CEP290: variants seen among roughly 807,000 people sequenced by gnomAD.
The protein encoded by CEP290 is centrosomal protein 290, also known as centrosomal protein of 290 kDa.
In CEP290, 317 loss-of-function variants were observed where a neutral mutation model predicts 344.9. The ratio of observed to expected loss-of-function variants is 0.92; its 90% CI spans 0.84 to 1.01. The LOEUF (loss-of-function observed/expected upper bound fraction) is 1.01, where lower values mean the gene tolerates loss of function less well. Among genes scored for constraint, CEP290 ranks in the 50% least tolerant of loss-of-function variants. CEP290 has a pLI of 0.00. For missense variants in CEP290, 2,754 were observed against 2,761.4 expected (o/e 1.00, Z 0.06); for synonymous variants, 932 against 895.8 (o/e 1.04, Z -0.72).
At position 88,131,209 on chromosome 12, in the gene CEP290, G is replaced by C; in HGVS notation, c.451C>G (p.Arg151Gly). The C allele has an allele frequency of 6.7e-7, 1 of 1,493,102 alleles. No homozygotes were observed. The highest frequency in any genetic ancestry group is 1.4e-5 in the South Asian group (1 of 71,608). The allele number at this position is 1,493,102 out of a possible 1,614,324, so 92.5% of individuals were successfully genotyped here. A position where few individuals can be genotyped will look rare whatever the true frequency, so the allele number is the denominator to read the frequency against. The part of the protein sequence containing the change: ...EKKVNEQLAL[R>G]NEEAENENSK... The stretch of plus-strand genomic sequence containing the variant: ...TTTTCATTTTCTGCCTCCTCATTTC[G>C]AAGAGCCAACTAAAATAGTAAAAAA... The change falls in exon 7 of 54, where the codon CGA (arginine) becomes GGA (glycine). Residue 151 changes from arginine (R) to glycine (G), a missense_variant. Arg to Gly is a moderately radical substitution (Grantham distance 125, BLOSUM62 -2). Transcript: ENST00000552810.
intron 44 of CEP290, 87 bp downstream of exon 44, chr12:88,068,435 T>G: frequency 2.2e-6 from 2 of 898,828 alleles, no homozygotes; most frequent in Non-Finnish European, 3.1e-6. Context: ...ATGTAATGCT[T>G]TTGGCCAGAT....
Position 88,054,324 on chromosome 12 carries a change from T to C in CEP290, c.7034+16A>G. ...TAAAGAAAAAAACAAAGTAGTCATA[T>C]GAATACATGATGTACCTAAGAACTT... On this transcript the variant is annotated intron_variant, in intron 51 of 53. Coordinates refer to ENST00000552810, the MANE Select transcript of CEP290 (RefSeq NM_025114.4). 6.5e-7 allele frequency: 1 copy of C among 1,548,222 alleles called. No individual in the cohort carries two copies. The highest frequency in any genetic ancestry group is 8.8e-7 in the Non-Finnish European group (1 of 1,136,814).
chr12:88,075,750 T>A (rs17015437), intron 41 of CEP290, among the ~76,000 whole-genome samples: 5,736 of 152,212 alleles, frequency 0.038, 172 homozygotes, highest in African/African-American at 0.084. Flanking sequence ...GCCCAAGCAA[T>A]GAACCTGAAA....
intron 13 of CEP290, among the ~76,000 whole-genome samples, chr12:88,122,255 A>G (rs1262438168): frequency 6.6e-6 from 1 of 152,008 alleles, no homozygotes; most frequent in Non-Finnish European, 1.5e-5. Context: ...ATGGCCCTAC[A>G]CAATAAACAC....
rs1351144991 is a variant in CEP290, at chr12:88,055,571, C to T, written c.6960+5G>A. The T allele has an allele frequency of 6.4e-7, 1 of 1,563,934 alleles. No individual in the cohort carries two copies. On this transcript the variant is annotated splice_donor_5th_base_variant and intron_variant, in intron 50 of 53. Transcript: ENST00000552810. Reference sequence around the variant, plus strand: ...TATCATGTAAAGAAAAATTACGTTACTTACCTGTTGTTCAAGGTCTTCATT... The same window carrying T: ...TATCATGTAAAGAAAAATTACGTTATTTACCTGTTGTTCAAGGTCTTCATT...
At position 88,083,866 on chromosome 12, in the gene CEP290, T is replaced by G. The variant is rs772421973; in HGVS notation, c.4793A>C (p.Lys1598Thr). ...LELQADSSLN[K>T]FKQTAWDLMK... ...TCTTACCCAAGCCGTTTGTTTGAAT[T>G]TATTTAGTGAACTATCAGCCTGTAG... Residue 1598 changes from lysine (K) to threonine (T), a missense_variant, in exon 36 of 54, where the codon AAA becomes ACA. Coordinates refer to ENST00000552810, the MANE Select transcript of CEP290 (RefSeq NM_025114.4). 10 of 1,582,880 alleles carry G rather than the reference T, an allele frequency of 6.3e-6. No individual in the cohort carries two copies. The African/African-American group carries it at 1.2e-4, about 19-fold the overall frequency.
At chr12:88,140,296 T>C (rs1391230562) in intron 3 of CEP290, among the ~76,000 whole-genome samples, 2 of 152,196 alleles carry the variant, frequency 1.3e-5, no homozygotes, top group Non-Finnish European at 2.9e-5. Flanking sequence ...TCCTACATAA[T>C]ATACTCAGTT....
intron 13 of CEP290, among the ~76,000 whole-genome samples, chr12:88,123,313 C>A (rs1343930427): frequency 6.6e-6 from 1 of 152,060 alleles, no homozygotes; most frequent in Non-Finnish European, 1.5e-5. Flanking sequence ...AAGCTACCAC[C>A]TTGTTTTCTC....
At chr12:88,112,530 C>A (rs953893571) in intron 20 of CEP290, among the ~76,000 whole-genome samples, 1 of 152,036 alleles carries the variant, frequency 6.6e-6, no homozygotes, top group Non-Finnish European at 1.5e-5. Context: ...GGCCCGAAAT[C>A]TCCAACAGTG....
Position 88,052,646 on chromosome 12 carries a change from C to CAT in CEP290, c.7129+1004_7129+1005dup, listed in dbSNP as rs1329054831. 2.6e-5 allele frequency among the ~76,000 whole-genome samples: 4 copies of CAT among 152,078 alleles called. No individual in the cohort carries two copies. In the East Asian group the frequency reaches 7.7e-4, roughly 29 times the overall value. ...AGACATGCATATATATACATACACG[C>CAT]ATATATATACATACACGCATATATA... is the stretch of plus-strand genomic sequence containing the variant. On this transcript the variant is annotated intron_variant, in intron 52 of 53. Transcript: ENST00000552810.
intron 13 of CEP290, among the ~76,000 whole-genome samples, chr12:88,123,881 A>C (rs1452718541): frequency 6.6e-6 from 1 of 151,928 alleles, no homozygotes; most frequent in Non-Finnish European, 1.5e-5. Flanking sequence ...CCACAACCCC[A>C]CCATGACCAA....
At chr12:88,077,157 A>C (rs2035839418) in intron 41 of CEP290, 65 bp downstream of exon 41, 2 of 1,461,004 alleles carry the variant, frequency 1.4e-6, no homozygotes, top group Non-Finnish European at 1.8e-6. Flanking sequence ...ACTGTTAATC[A>C]GCTATGTATT....
At chr12:88,110,701 T>C (rs1016568222) in intron 22 of CEP290, among the ~76,000 whole-genome samples, 1 of 152,032 alleles carries the variant, frequency 6.6e-6, no homozygotes, top group African/African-American at 2.4e-5. Flanking sequence ...AGAGTGAGGC[T>C]CTGTCTCAAA....
intron 49 of CEP290, among the ~76,000 whole-genome samples, chr12:88,056,740 G>GAATA (rs1331149199): frequency 6.6e-6 from 1 of 152,140 alleles, no homozygotes; most frequent in East Asian, 1.9e-4. Context: ...TAAGTTTGTT[G>GAATA]AATAAATAAT....
intron 13 of CEP290, among the ~76,000 whole-genome samples, chr12:88,124,294 C>A (rs761903838): frequency 2.0e-5 from 3 of 152,118 alleles, no homozygotes; most frequent in Non-Finnish European, 4.4e-5. Flanking sequence ...AAAAAGACTT[C>A]TTTGTTGTTC....
At chr12:88,108,005 A>AAATTCTT (rs2038412520) in intron 23 of CEP290, among the ~76,000 whole-genome samples, 1 of 151,976 alleles carries the variant, frequency 6.6e-6, no homozygotes, top group Non-Finnish European at 1.5e-5. Context: ...TGTATAGCAT[A>AAATTCTT]GTATATACAT....
At chr12:88,074,497 G>A (rs1275843532) in intron 41 of CEP290, among the ~76,000 whole-genome samples, 1 of 152,144 alleles carries the variant, frequency 6.6e-6, no homozygotes, top group Non-Finnish European at 1.5e-5. Context: ...TGGTACCATG[G>A]GTATTGTGGT....
intron 31 of CEP290, 120 bp from the exon 32 acceptor site, chr12:88,088,064 T>C: frequency 2.5e-6 from 1 of 406,638 alleles, no homozygotes; most frequent in East Asian, 3.8e-5. Flanking sequence ...TAAGACACAA[T>C]GTTATCTTTT....
At chr12:88,127,344 T>C (rs1194312897) in intron 11 of CEP290, among the ~76,000 whole-genome samples, 1 of 152,012 alleles carries the variant, frequency 6.6e-6, no homozygotes, top group Non-Finnish European at 1.5e-5. Flanking sequence ...AAAAATTAGC[T>C]GCGCATGGCG....
Sources: gnomAD v4.1 joint callset for allele counts (sites outside exome capture counted in the v4.1 genomes callset) on GRCh38, gnomAD v4.1.1 for gene constraint, MANE v1.5 for transcripts, NCBI Gene and HGNC (gene_info 2026-07-23, HGNC 2026-07-21) for gene names.